Variants in COL23A1 observed in about 807,000 individuals in gnomAD.
The protein encoded by COL23A1 is collagen alpha-1(XXIII) chain.
A neutral mutation model predicts 99.3 loss-of-function variants in COL23A1; 97 were observed. That is an observed-to-expected ratio of 0.98 (90% confidence interval 0.83 to 1.16). The LOEUF is 1.16. COL23A1 is among the 50% of genes most tolerant of loss of function. COL23A1 has a pLI of 0.00. For synonymous variants in COL23A1, 320 were observed against 308.2 expected (o/e 1.04, Z -0.40); for missense variants, 762 against 757.4 (o/e 1.01, Z -0.07).
chr5:178,571,156 G>A (rs1352882058), intron 1 of COL23A1, among the ~76,000 whole-genome samples: 1 of 152,138 alleles, frequency 6.6e-6, no homozygotes, highest in East Asian at 1.9e-4. Flanking sequence ...GAGATCAGGA[G>A]TTCGAGACCA....
chr5:178,543,061 T>C (rs1761379290), intron 2 of COL23A1, among the ~76,000 whole-genome samples: 1 of 151,574 alleles, frequency 6.6e-6, no homozygotes, highest in Non-Finnish European at 1.5e-5. Context: ...TGGAGCTGTG[T>C]GTGTTCGAGG....
At chr5:178,392,254 A>C (rs1055045369) in intron 2 of COL23A1, among the ~76,000 whole-genome samples, 1 of 152,052 alleles carries the variant, frequency 6.6e-6, no homozygotes, top group African/African-American at 2.4e-5. Flanking sequence ...TTATATCCTA[A>C]GATTGTTATA....
chr5:178,346,231 G>T (rs1263679787), intron 2 of COL23A1, among the ~76,000 whole-genome samples: 1 of 151,854 alleles, frequency 6.6e-6, no homozygotes, highest in Non-Finnish European at 1.5e-5. Context: ...ATTTATTTTT[G>T]TTGTTGTTTG....
intron 17 of COL23A1, among the ~76,000 whole-genome samples, chr5:178,251,032 T>TC (rs983930667): frequency 6.6e-6 from 1 of 150,934 alleles, no homozygotes; most frequent in African/African-American, 2.4e-5. Context: ...ATAATTTTTT[T>TC]TTTTTTTTGA....
chr5:178,492,004 G>A (rs1456799749), intron 2 of COL23A1, among the ~76,000 whole-genome samples: 1 of 151,884 alleles, frequency 6.6e-6, no homozygotes, highest in African/African-American at 2.4e-5. Context: ...CAAAGTACTG[G>A]GATTACAGGC....
At position 178,340,251 on chromosome 5, in the gene COL23A1, CT is replaced by C. The variant is rs949621988; in HGVS notation, c.362-33333del. On this transcript the variant is annotated intron_variant, in intron 2 of 28. Coordinates refer to ENST00000390654, the MANE Select transcript of COL23A1 (RefSeq NM_173465.4). The surrounding 1 kb of genome is among the most constrained non-coding windows in gnomAD (Gnocchi z 4.7). Reference sequence around the variant, plus strand: ...TGGGCCTGGCTGAGAACAAGGACACCTTTCTGACCAGCAATAAGCCTCACCA... The same window carrying C: ...TGGGCCTGGCTGAGAACAAGGACACCTTCTGACCAGCAATAAGCCTCACCA... Among the ~76,000 whole-genome samples the C allele has an allele frequency of 6.6e-6, 1 of 152,168 alleles. No individual in the cohort carries two copies. Among genetic ancestry groups the C allele is most frequent in the Non-Finnish European group, 1.5e-5 (1 of 68,038 alleles).
At chr5:178,576,553 A>G (rs1056641418) in intron 1 of COL23A1, among the ~76,000 whole-genome samples, 1 of 152,072 alleles carries the variant, frequency 6.6e-6, no homozygotes, top group African/African-American at 2.4e-5. Context: ...TTTTTCAAAG[A>G]CACACACGGC....
At position 178,259,157 on chromosome 5, in the gene COL23A1, G is replaced by A. The variant is rs115376424; in HGVS notation, c.729+564C>T. Among the ~76,000 whole-genome samples the A allele has an allele frequency of 3.1e-3, 473 of 152,252 alleles. 5 individuals carry two copies. The highest frequency in any genetic ancestry group is 0.011 in the African/African-American group (461 of 41,548). ...GCTGGTCTTGAACTCCTGATCTCAAGTGATCCTTCTGTCTTGGCCCCCTAA... is the reference window on the plus strand; with the variant it reads ...GCTGGTCTTGAACTCCTGATCTCAAATGATCCTTCTGTCTTGGCCCCCTAA... On this transcript the variant is annotated intron_variant, in intron 12 of 28. Transcript: ENST00000390654.
In COL23A1 at chr5:178,471,817, G is replaced by A. The variant is rs181522704; in HGVS notation, c.361+88865C>T. 1.7e-3 allele frequency among the ~76,000 whole-genome samples: 255 copies of A among 152,162 alleles called. 2 individuals carry two copies. Among genetic ancestry groups the A allele is most frequent in the African/African-American group, 5.9e-3 (244 of 41,534 alleles). ...TGGAATTATTTGAACTGGCCAATCCGAACCCTGCTCAGCTTGCCTCGCCCC... is the reference window on the plus strand; with the variant it reads ...TGGAATTATTTGAACTGGCCAATCCAAACCCTGCTCAGCTTGCCTCGCCCC... On this transcript the variant is annotated intron_variant, in intron 2 of 28. Coordinates refer to ENST00000390654, the MANE Select transcript of COL23A1 (RefSeq NM_173465.4).
At chr5:178,587,465 CCT>C (rs1431823180) in intron 1 of COL23A1, among the ~76,000 whole-genome samples, 2 of 152,124 alleles carry the variant, frequency 1.3e-5, no homozygotes, top group East Asian at 3.9e-4. Flanking sequence ...CTTCTTTCCC[CCT>C]GACATTAAAG....
At chr5:178,265,639 C>A in intron 8 of COL23A1, 1 of 983,454 alleles carries the variant, frequency 1.0e-6, no homozygotes, top group Non-Finnish European at 1.2e-6. Context: ...TCCAGACCCC[C>A]ACTCAGCCAG....
intron 2 of COL23A1, among the ~76,000 whole-genome samples, chr5:178,490,862 G>A (rs1408105572): frequency 6.6e-6 from 1 of 152,086 alleles, no homozygotes; most frequent in Non-Finnish European, 1.5e-5. Context: ...TGATAGAACT[G>A]GATACCTAAA....
chr5:178,325,241 T>C (rs1759580854), intron 2 of COL23A1, among the ~76,000 whole-genome samples: 1 of 152,202 alleles, frequency 6.6e-6, no homozygotes, highest in African/African-American at 2.4e-5. Flanking sequence ...CCCTACCCTT[T>C]AGTCAGGGCC....
chr5:178,352,744 G>C (rs1450134258), intron 2 of COL23A1, among the ~76,000 whole-genome samples: 1 of 152,226 alleles, frequency 6.6e-6, no homozygotes, highest in African/African-American at 2.4e-5. Context: ...TGGTCTGCCT[G>C]CTCACCAGGT....
At chr5:178,477,604 T>G (rs2127946679) in intron 2 of COL23A1, among the ~76,000 whole-genome samples, 1 of 152,324 alleles carries the variant, frequency 6.6e-6, no homozygotes, top group African/African-American at 2.4e-5. Flanking sequence ...ACTGTGCATG[T>G]TGCCTAATCA....
At chr5:178,396,911 G>A (rs1466296727) in intron 2 of COL23A1, among the ~76,000 whole-genome samples, 2 of 152,252 alleles carry the variant, frequency 1.3e-5, no homozygotes, top group African/African-American at 2.4e-5. Flanking sequence ...TCAAAGAGCA[G>A]AACAGCTGAG....
At chr5:178,354,277 T>C (rs1273532092) in intron 2 of COL23A1, among the ~76,000 whole-genome samples, 1 of 152,196 alleles carries the variant, frequency 6.6e-6, no homozygotes, top group East Asian at 1.9e-4. Flanking sequence ...ATCGTGATCA[T>C]AGCTCACAGC....
intron 22 of COL23A1, among the ~76,000 whole-genome samples, chr5:178,246,727 G>C (rs1442785913): frequency 6.8e-5 from 2 of 29,604 alleles, no homozygotes. Flanking sequence ...CAGACGGGGG[G>C]CGGGGGGGGG....
chr5:178,286,819 C>T (rs761618139), intron 5 of COL23A1, among the ~76,000 whole-genome samples: 2 of 152,146 alleles, frequency 1.3e-5, no homozygotes, highest in Admixed American at 6.5e-5. Context: ...CTCCGATGCT[C>T]GAGGCTGGTG....
Sources: allele counts gnomAD v4.1 joint callset (sites outside exome capture counted in the v4.1 genomes callset), GRCh38; gene constraint gnomAD v4.1.1; non-coding constraint Gnocchi (gnomAD v3.1); transcripts MANE v1.5; gene names NCBI Gene and HGNC (gene_info 2026-07-23, HGNC 2026-07-21).